The following TTC21B variants were observed in gnomAD, a reference collection of about 807,000 sequenced individuals.
TTC21B encodes tetratricopeptide repeat protein 21B.
A neutral mutation model predicts 175.1 loss-of-function variants in TTC21B; 127 were observed. The observed-to-expected ratio is 0.73, with a 90% confidence interval of 0.63 to 0.84. The LOEUF (loss-of-function observed/expected upper bound fraction) is 0.84, where lower values mean the gene tolerates loss of function less well. Among genes scored for constraint, TTC21B ranks in the 40% least tolerant of loss-of-function variants. TTC21B has a pLI of 0.00. For synonymous variants in TTC21B, 524 were observed against 524.5 expected (o/e 1.00, Z 0.01); for missense variants, 1,561 against 1,558.3 (o/e 1.00, Z -0.03).
intron 19 of TTC21B, among the ~76,000 whole-genome samples, chr2:165,902,212 G>A (rs1239263827): frequency 6.6e-6 from 1 of 152,172 alleles, no homozygotes; most frequent in African/African-American, 2.4e-5. Context: ...ATACAAAGAG[G>A]TGGGGCCTTC....
In TTC21B at chr2:165,949,627, C is replaced by A. The variant is rs1687700084; in HGVS notation, c.119G>T (p.Arg40Met). The A allele has an allele frequency of 6.2e-7, 1 of 1,613,642 alleles. No homozygotes were observed. The highest frequency in any genetic ancestry group is 8.5e-7 in the Non-Finnish European group (1 of 1,179,866). Residue 40 changes from arginine (R) to methionine (M), a missense_variant, in exon 2 of 29, where the codon AGG (arginine) becomes ATG (methionine). Arg to Met is a moderately conservative substitution (Grantham distance 91, BLOSUM62 -1). Coordinates refer to ENST00000243344, the MANE Select transcript of TTC21B (RefSeq NM_024753.5). ...TAATGTGCCATAGGCATGATAAAAC[C>A]TGAAGACTGGATCACTTCCATACCT... ...IKRYGSDPVF[R>M]FYHAYGTLME...
intron 12 of TTC21B, among the ~76,000 whole-genome samples, chr2:165,920,621 G>A (rs1686353581): frequency 1.3e-5 from 2 of 152,144 alleles, no homozygotes; most frequent in South Asian, 2.1e-4. Flanking sequence ...ACTAACAGGA[G>A]AAAGTGCATA....
rs1220014188 is a variant in TTC21B, at chr2:165,874,070, G to A, written c.*685C>T. 1 of 152,036 alleles carries A rather than the reference G, an allele frequency of 6.6e-6. No individual in the cohort carries two copies. The highest frequency in any genetic ancestry group is 1.5e-5 in the Non-Finnish European group (1 of 68,010). The allele number at this position is 152,036 out of a possible 1,614,324, so 9.4% of individuals were successfully genotyped here. The stretch of plus-strand genomic sequence containing the variant: ...CACAGAATACAACAAAAACAGGCTG[G>A]GTGCGGTGGCTCATGCCTGTAATCC... On this transcript the variant is annotated 3_prime_UTR_variant, in exon 29 of 29. Transcript: ENST00000243344.
chr2:165,924,697 C>A lies in TTC21B; in HGVS notation c.1387-19G>T. On this transcript the variant is annotated intron_variant, in intron 11 of 28. Coordinates refer to ENST00000243344, the MANE Select transcript of TTC21B (RefSeq NM_024753.5). Reference sequence around the variant, plus strand: ...TTGCAGGCTAAACAAAACAAATCAGCAGATCATTTTATAAGTGTAAAAATA... The same window carrying A: ...TTGCAGGCTAAACAAAACAAATCAGAAGATCATTTTATAAGTGTAAAAATA... 1 of 1,611,062 alleles carries A rather than the reference C, an allele frequency of 6.2e-7. No homozygotes were observed. Among genetic ancestry groups the A allele is most frequent in the East Asian group, 2.2e-5 (1 of 44,658 alleles).
At position 165,890,642 on chromosome 2, in the gene TTC21B, T is replaced by C. The variant is rs779472675; in HGVS notation, c.3102-2A>G. ...GCATCATTTGGTTCTCCAGTGTACC[T>C]TGTTAGATGTTTAAAAGAATTATTT... On this transcript the variant is annotated splice_acceptor_variant, in intron 23 of 28. Transcript: ENST00000243344. LOFTEE classifies it high-confidence loss of function. 5 of 1,613,340 alleles carry C rather than the reference T, an allele frequency of 3.1e-6. No homozygotes were observed. The highest frequency in any genetic ancestry group is 4.5e-5 in the East Asian group (2 of 44,818).
In TTC21B at chr2:165,942,401, C is replaced by T. The variant is rs1392651420; in HGVS notation, c.552+818G>A. On this transcript the variant is annotated intron_variant, in intron 5 of 28. Transcript: ENST00000243344. The stretch of plus-strand genomic sequence containing the variant: ...ATCCATCAGTAAGTTCTAATGACTC[C>T]TTCAATTGCTCATCCCTCAAAATGT... Among the ~76,000 whole-genome samples the T allele has an allele frequency of 2.6e-5, 4 of 152,260 alleles. No individual in the cohort carries two copies. In the East Asian group the frequency reaches 7.7e-4, roughly 29 times the overall value.
chr2:165,904,527 G>C (rs867511931), intron 19 of TTC21B, among the ~76,000 whole-genome samples: 35 of 152,174 alleles, frequency 2.3e-4, no homozygotes, highest in Middle Eastern at 3.2e-3. Flanking sequence ...ATTAATTGCA[G>C]AATGCAGAAC....
intron 22 of TTC21B, among the ~76,000 whole-genome samples, chr2:165,892,679 A>G (rs1685236120): frequency 6.6e-6 from 1 of 152,218 alleles, no homozygotes; most frequent in Non-Finnish European, 1.5e-5. Flanking sequence ...TCATCAACAT[A>G]GAAAGTAGAA....
At chr2:165,911,492 G>C (rs375291813) in intron 17 of TTC21B, 27 bp from the exon 18 acceptor site, 10 of 1,613,054 alleles carry the variant, frequency 6.2e-6, no homozygotes, top group African/African-American at 1.3e-5. Context: ...CCATTTAAGG[G>C]AACAAGGCAA....
chr2:165,899,695 A>T, intron 21 of TTC21B, 75 bp downstream of exon 21: 1 of 906,882 alleles, frequency 1.1e-6, no homozygotes, highest in Non-Finnish European at 1.8e-6. Flanking sequence ...ATCATCTAGT[A>T]GTAGTTCCAT....
chr2:165,901,892 G>A lies in TTC21B; in HGVS notation c.2587C>T (p.Arg863Trp), dbSNP rs34489989. 2,900 of 1,613,102 alleles carry A rather than the reference G, an allele frequency of 1.8e-3. 3 individuals carry two copies. Among genetic ancestry groups the A allele is most frequent in the Non-Finnish European group, 2.4e-3 (2,798 of 1,179,814 alleles). The change falls in exon 20 of 29, where the codon CGG (arginine) becomes TGG (tryptophan). Residue 863 changes from arginine to tryptophan, a missense_variant. By Grantham distance (101) the Arg-to-Trp change is moderately radical. Transcript: ENST00000243344. ...ALQQARELQA[R>W]VLKRVQMEQP... The stretch of plus-strand genomic sequence containing the variant: ...TCCATCTGAACACGTTTTAGTACCC[G>A]AGCTTGTAATTCTCGAGCCTAGAAA...
At chr2:165,875,272 GTTTTTT>G (rs5836060) in intron 28 of TTC21B, among the ~76,000 whole-genome samples, 2 of 150,058 alleles carry the variant, frequency 1.3e-5, no homozygotes, top group Non-Finnish European at 3.0e-5. Flanking sequence ...GGAGATGCTA[GTTTTTT>G]TTTTTAACTC....
Position 165,953,571 on chromosome 2 carries a change from G to A in TTC21B, c.21+114C>T, listed in dbSNP as rs536447924. The A allele has an allele frequency of 1.5e-4, 224 of 1,503,904 alleles. 1 individual carries two copies. The East Asian group carries it at 5.2e-3, about 35-fold the overall frequency. The allele number at this position is 1,503,904 out of a possible 1,614,324, so 93.2% of individuals were successfully genotyped here. On this transcript the variant is annotated intron_variant, in intron 1 of 28. Transcript: ENST00000243344. ...AACCCGAGCAGCCGGGGCACCGCAG[G>A]GAAACAGCGGCCTAGCGAAGCCACC... is the stretch of plus-strand genomic sequence containing the variant.
intron 8 of TTC21B, 139 bp downstream of exon 8, chr2:165,931,619 C>G: frequency 2.7e-6 from 2 of 751,594 alleles, no homozygotes; most frequent in South Asian, 1.5e-5. Flanking sequence ...TCTAAACTGC[C>G]TTTCCTAGGA....
chr2:165,888,525 T>G (rs1311593314), intron 24 of TTC21B, 51 bp from the exon 25 acceptor site: 15 of 1,402,662 alleles, frequency 1.1e-5, no homozygotes, highest in African/African-American at 1.4e-5. Context: ...ATGATACAAT[T>G]CATTGAGATT....
At position 165,924,589 on chromosome 2, in the gene TTC21B, C is replaced by A. The variant is rs1463447976; in HGVS notation, c.1476G>T (p.Leu492=). 6.2e-7 allele frequency: 1 copy of A among 1,613,682 alleles called. No homozygotes were observed. The highest frequency in any genetic ancestry group is 1.1e-5 in the South Asian group (1 of 91,058). Reference sequence around the variant, plus strand: ...CTTTTGCTATTAGGAAGACTGTTTGCAGAAGACCTGGAACAGTTCTTACTA... The same window carrying A: ...CTTTTGCTATTAGGAAGACTGTTTGAAGAAGACCTGGAACAGTTCTTACTA... The part of the protein sequence containing the change: ...ETVVRTVPGL[L]QTVFLIAKVK... Residue 492 remains leucine (L), a synonymous_variant, in exon 12 of 29, where the codon CTG becomes CTT. Transcript: ENST00000243344.
intron 3 of TTC21B, chr2:165,948,905 A>G (rs144669139): frequency 5.0e-4 from 79 of 157,956 alleles, no homozygotes; most frequent in East Asian, 4.6e-3. Flanking sequence ...TCTATAATCT[A>G]GTCAGAATCT....
At chr2:165,911,254 C>T (rs1574093754) in intron 18 of TTC21B, 73 bp downstream of exon 18, 2 of 1,537,928 alleles carry the variant, frequency 1.3e-6, no homozygotes, top group Non-Finnish European at 1.8e-6. Flanking sequence ...AATACAAATA[C>T]ATATTTATGC....
At chr2:165,913,995 T>TA (rs980779019) in intron 15 of TTC21B, among the ~76,000 whole-genome samples, 4 of 152,142 alleles carry the variant, frequency 2.6e-5, no homozygotes, top group African/African-American at 9.7e-5. Context: ...GATGGGAGAA[T>TA]AAAATTTTAC....
Sources: allele counts gnomAD v4.1 joint callset (sites outside exome capture counted in the v4.1 genomes callset), GRCh38; gene constraint gnomAD v4.1.1; transcripts MANE v1.5; gene names NCBI Gene and HGNC (gene_info 2026-07-23, HGNC 2026-07-21).